PTPRK: variants seen among roughly 807,000 people sequenced by gnomAD.
PTPRK encodes the protein receptor-type tyrosine-protein phosphatase kappa.
Under a neutral mutation model 178.0 loss-of-function variants are expected in PTPRK, and 75 were observed. That is an observed-to-expected ratio of 0.42 (90% confidence interval 0.35 to 0.51). PTPRK has a LOEUF of 0.51. PTPRK is among the 20% of genes least tolerant of loss of function. The probability of loss-of-function intolerance (pLI) is 0.02; values close to 1 mark genes in which losing one functional copy is unlikely to be tolerated. For synonymous variants in PTPRK, 637 were observed against 620.6 expected (o/e 1.03, Z -0.39); for missense variants, 1,441 against 1,797.8 (o/e 0.80, Z 3.59).
intron 8 of PTPRK, among the ~76,000 whole-genome samples, chr6:128,084,132 C>T (rs1785324943): frequency 1.3e-5 from 2 of 152,026 alleles, no homozygotes; most frequent in Admixed American, 1.3e-4. Flanking sequence ...CTGTTGTATA[C>T]CTCTAATAAC....
intron 3 of PTPRK, among the ~76,000 whole-genome samples, chr6:128,305,628 G>A (rs1328965745): frequency 6.6e-6 from 1 of 152,144 alleles, no homozygotes; most frequent in Non-Finnish European, 1.5e-5. Flanking sequence ...TATCCATGCA[G>A]GTTGAAAATT....
At chr6:128,256,578 C>T (rs1202702282) in intron 3 of PTPRK, among the ~76,000 whole-genome samples, 5 of 151,922 alleles carry the variant, frequency 3.3e-5, no homozygotes, top group Non-Finnish European at 2.9e-5. Flanking sequence ...ACTGGGATTA[C>T]AGTTGCATGC....
At chr6:128,031,889 G>A (rs986781210) in intron 13 of PTPRK, among the ~76,000 whole-genome samples, 4 of 152,136 alleles carry the variant, frequency 2.6e-5, no homozygotes, top group African/African-American at 9.7e-5. Flanking sequence ...GTCTGAGTCA[G>A]CATCCTCAAT....
intron 6 of PTPRK, among the ~76,000 whole-genome samples, chr6:128,194,583 A>T (rs371790053): frequency 6.6e-6 from 1 of 152,202 alleles, no homozygotes; most frequent in South Asian, 2.1e-4. Context: ...TAGTATTTCA[A>T]GAAAAGAACA....
At chr6:128,057,992 G>A (rs1405399543) in intron 13 of PTPRK, among the ~76,000 whole-genome samples, 2 of 151,944 alleles carry the variant, frequency 1.3e-5, no homozygotes, top group South Asian at 2.1e-4. Flanking sequence ...ATATTATTTT[G>A]TGTAGTCATA....
chr6:128,298,099 A>G (rs1824825811), intron 3 of PTPRK, among the ~76,000 whole-genome samples: 1 of 152,206 alleles, frequency 6.6e-6, no homozygotes, highest in African/African-American at 2.4e-5. Context: ...AATACTACAA[A>G]CACCTCTAAG....
At chr6:128,239,753 G>T (rs528968584) in intron 5 of PTPRK, among the ~76,000 whole-genome samples, 1 of 152,194 alleles carries the variant, frequency 6.6e-6, no homozygotes, top group Non-Finnish European at 1.5e-5. Context: ...ATTTCAAATG[G>T]ATCTACAGAA....
intron 1 of PTPRK, among the ~76,000 whole-genome samples, chr6:128,398,140 G>A (rs1166975158): frequency 1.3e-5 from 2 of 152,154 alleles, no homozygotes; most frequent in Non-Finnish European, 2.9e-5. Flanking sequence ...GTGGGAGTGC[G>A]CGAGCAGCAG....
chr6:128,175,917 G>A (rs1359336911), intron 7 of PTPRK, among the ~76,000 whole-genome samples: 1 of 151,754 alleles, frequency 6.6e-6, no homozygotes, highest in Non-Finnish European at 1.5e-5. Flanking sequence ...TTTGGCTGTT[G>A]TAGAAAGAAA....
chr6:127,976,559 T>G, intron 27 of PTPRK, 98 bp downstream of exon 27: 1 of 1,408,202 alleles, frequency 7.1e-7, no homozygotes, highest in East Asian at 2.3e-5. Flanking sequence ...ATAGTGCTTA[T>G]TAATTGTAGT....
chr6:128,331,133 A>G (rs1293167005), intron 2 of PTPRK, among the ~76,000 whole-genome samples: 1 of 152,176 alleles, frequency 6.6e-6, no homozygotes, highest in East Asian at 1.9e-4. Context: ...GAAAAACTCC[A>G]TGAAAAGTTG....
intron 5 of PTPRK, among the ~76,000 whole-genome samples, chr6:128,231,530 C>T (rs1030315124): frequency 6.6e-6 from 1 of 152,172 alleles, no homozygotes; most frequent in Non-Finnish European, 1.5e-5. Flanking sequence ...ACAGAAGCAG[C>T]CAAGGTTGAA....
chr6:128,129,407 A>G (rs984774179), intron 7 of PTPRK, among the ~76,000 whole-genome samples: 1 of 152,170 alleles, frequency 6.6e-6, no homozygotes, highest in Non-Finnish European at 1.5e-5. Flanking sequence ...TGATAGTGCT[A>G]GACTTTTTTT....
In PTPRK at chr6:128,049,367, G is replaced by T. The variant is rs550406110; in HGVS notation, c.2194+15391C>A. ...ATACTTGCAATTTCCCATACCATTG[G>T]TTTTGTTTCTTAGTTTTAGTCTAAG... is the stretch of plus-strand genomic sequence containing the variant. On this transcript the variant is annotated intron_variant, in intron 13 of 29. Transcript: ENST00000368226. Among the ~76,000 whole-genome samples, 8 of 152,144 alleles carry T rather than the reference G, an allele frequency of 5.3e-5. No individual in the cohort carries two copies. In the South Asian group the frequency reaches 1.7e-3, roughly 32 times the overall value.
intron 1 of PTPRK, among the ~76,000 whole-genome samples, chr6:128,468,301 G>A (rs542736089): frequency 6.6e-6 from 1 of 152,230 alleles, no homozygotes; most frequent in Non-Finnish European, 1.5e-5. Context: ...TACTAAACAT[G>A]TATGCATATA....
chr6:128,363,711 C>A (rs748807795), intron 2 of PTPRK, among the ~76,000 whole-genome samples: 1 of 152,030 alleles, frequency 6.6e-6, no homozygotes, highest in South Asian at 2.1e-4. Flanking sequence ...CTAGGTTTAC[C>A]CCTAATGACT....
At chr6:128,434,690 G>T (rs911645378) in intron 1 of PTPRK, among the ~76,000 whole-genome samples, 3 of 152,046 alleles carry the variant, frequency 2.0e-5, no homozygotes, top group African/African-American at 7.2e-5. Flanking sequence ...TTTTATGCTG[G>T]TCCATTCCAG....
intron 6 of PTPRK, among the ~76,000 whole-genome samples, chr6:128,211,536 T>A (rs1808172860): frequency 6.6e-6 from 1 of 152,154 alleles, no homozygotes; most frequent in Admixed American, 6.6e-5. Flanking sequence ...AATAAATAAT[T>A]ACATATTATT....
chr6:128,176,479 C>T (rs543489314), intron 7 of PTPRK, among the ~76,000 whole-genome samples: 3 of 151,770 alleles, frequency 2.0e-5, no homozygotes, highest in African/African-American at 7.2e-5. Context: ...ATTTCTAGGC[C>T]ATATCATATG....
Sources: allele counts gnomAD v4.1 joint callset (sites outside exome capture counted in the v4.1 genomes callset), GRCh38; gene constraint gnomAD v4.1.1; transcripts MANE v1.5; gene names NCBI Gene and HGNC (gene_info 2026-07-23, HGNC 2026-07-21).